KLHL7: variants seen among roughly 807,000 people sequenced by gnomAD.
KLHL7 encodes kelch like family member 7, also known as kelch-like protein 7.
KLHL7 carries 44 observed loss-of-function variants against 67.4 expected under a neutral mutation model. The observed-to-expected ratio is 0.65, with a 90% CI of 0.51 to 0.84. The LOEUF (loss-of-function observed/expected upper bound fraction) is 0.84. KLHL7 is among the 40% of genes least tolerant of loss of function. KLHL7 has a pLI of 0.00. For synonymous variants in KLHL7, 252 were observed against 243.3 expected (o/e 1.04, Z -0.33); for missense variants, 362 against 718.1 (o/e 0.50, Z 5.67).
intron 6 of KLHL7, among the ~76,000 whole-genome samples, chr7:23,147,718 A>G (rs554740193): frequency 1.3e-5 from 2 of 152,268 alleles, no homozygotes; most frequent in African/African-American, 2.4e-5. Flanking sequence ...GCCAAGTTCT[A>G]TAGGGCACAA....
At chr7:23,141,157 A>G (rs772544848) in intron 5 of KLHL7, among the ~76,000 whole-genome samples, 7 of 152,230 alleles carry the variant, frequency 4.6e-5, no homozygotes, top group Non-Finnish European at 1.0e-4. Flanking sequence ...GTACCATGGT[A>G]GGCAGAACAA....
intron 7 of KLHL7, among the ~76,000 whole-genome samples, chr7:23,154,765 T>C (rs746361492): frequency 2.6e-5 from 4 of 152,178 alleles, no homozygotes; most frequent in Admixed American, 1.3e-4. Context: ...TCTGGGTAGA[T>C]AGAAACAGAA....
rs1784209822 is a variant in KLHL7 at position 23,177,074 on chromosome 7, C to T, written c.*2776C>T. ...AAGACCCCATTTCCAAACGAGGACA[C>T]ATTCTGAGCTTCTGGATAGACATGA... On this transcript the variant is annotated 3_prime_UTR_variant, in exon 11 of 11. Transcript: ENST00000339077. 1 of 152,306 alleles carries T rather than the reference C, an allele frequency of 6.6e-6. No individual in the cohort carries two copies. The highest frequency in any genetic ancestry group is 3.4e-3 in the Middle Eastern group (1 of 294). The allele number at this position is 152,306 out of a possible 1,614,324, so 9.4% of individuals were successfully genotyped here.
intron 1 of KLHL7, among the ~76,000 whole-genome samples, chr7:23,107,776 G>T (rs1268320756): frequency 1.3e-5 from 2 of 152,180 alleles, no homozygotes; most frequent in African/African-American, 4.8e-5. Flanking sequence ...AATCTGCCAG[G>T]TTCTCCTGTT....
At chr7:23,130,315 T>G (rs1471675532) in intron 4 of KLHL7, among the ~76,000 whole-genome samples, 3 of 152,224 alleles carry the variant, frequency 2.0e-5, no homozygotes, top group African/African-American at 7.2e-5. Context: ...CATGGTTTTG[T>G]GAGACATCAT....
chr7:23,125,886 T>G, intron 4 of KLHL7: 1 of 1,545,400 alleles, frequency 6.5e-7, no homozygotes, highest in Non-Finnish European at 8.7e-7. Context: ...ATCTGCAGGA[T>G]ACGTTCCAAG....
chr7:23,175,126 G>C lies in KLHL7; in HGVS notation c.*828G>C. ...CTAGATCATTAGAAAAGCACTGGTA[G>C]TTGTACAATATCAGTGTTGACTTTG... On this transcript the variant is annotated 3_prime_UTR_variant, in exon 11 of 11. Coordinates refer to ENST00000339077, the MANE Select transcript of KLHL7 (RefSeq NM_001031710.3). 2.2e-6 allele frequency: 1 copy of C among 454,054 alleles called. No individual in the cohort carries two copies. Among genetic ancestry groups the C allele is most frequent in the African/African-American group, 2.0e-5 (1 of 50,130 alleles). 28.1% of individuals were successfully genotyped at this position (454,054 alleles called of 1,614,324 possible). A position where few individuals can be genotyped will look rare whatever the true frequency, so the allele number is the denominator to read the frequency against.
intron 8 of KLHL7, among the ~76,000 whole-genome samples, chr7:23,167,165 G>A (rs966641837): frequency 6.6e-6 from 1 of 151,542 alleles, no homozygotes; most frequent in Non-Finnish European, 1.5e-5. Context: ...AACTTTAATA[G>A]TATCATTTCT....
At chr7:23,136,840 A>G (rs1783994507) in intron 4 of KLHL7, among the ~76,000 whole-genome samples, 1 of 152,258 alleles carries the variant, frequency 6.6e-6, no homozygotes, top group Non-Finnish European at 1.5e-5. Flanking sequence ...AATCTTTGGA[A>G]TATAACCAAA....
chr7:23,152,242 G>A lies in KLHL7; in HGVS notation c.936+33G>A, dbSNP rs955588432. 3 of 1,604,260 alleles carry A rather than the reference G, an allele frequency of 1.9e-6. No homozygotes were observed. In the African/African-American group the frequency reaches 4.0e-5, roughly 21 times the overall value. On this transcript the variant is annotated intron_variant, in intron 7 of 10. Transcript: ENST00000339077. Reference sequence around the variant, plus strand: ...ATTTTTATTCTTGGTTTTTGTTGTTGTCTTTGAAATCACTGAACACATAAG... The same window carrying A: ...ATTTTTATTCTTGGTTTTTGTTGTTATCTTTGAAATCACTGAACACATAAG...
chr7:23,134,406 T>C (rs1783904801), intron 4 of KLHL7, among the ~76,000 whole-genome samples: 6 of 152,300 alleles, frequency 3.9e-5, no homozygotes, highest in East Asian at 1.9e-4. Flanking sequence ...TTGGTGCCTG[T>C]AGTTTTCTTT....
intron 5 of KLHL7, among the ~76,000 whole-genome samples, chr7:23,142,231 C>CT (rs1784210870): frequency 6.6e-6 from 1 of 152,198 alleles, no homozygotes; most frequent in Non-Finnish European, 1.5e-5. Flanking sequence ...CTTAATCTCT[C>CT]TTTTCAGCCC....
At chr7:23,134,465 C>T (rs141263334) in intron 4 of KLHL7, among the ~76,000 whole-genome samples, 58 of 152,252 alleles carry the variant, frequency 3.8e-4, no homozygotes, top group Non-Finnish European at 7.4e-4. Flanking sequence ...ATGCTGGCCT[C>T]ATCAAATGAG....
At chr7:23,106,195 C>A in intron 1 of KLHL7, 49 bp downstream of exon 1, 17 of 1,594,488 alleles carry the variant, frequency 1.1e-5, no homozygotes, top group Non-Finnish European at 1.5e-5. Flanking sequence ...TGGTCCGGGG[C>A]TCGGGCCCCT....
intron 5 of KLHL7, 70 bp downstream of exon 5, chr7:23,141,014 G>C: frequency 8.1e-7 from 1 of 1,240,316 alleles, no homozygotes; most frequent in Non-Finnish European, 1.2e-6. Flanking sequence ...ACTCATGTTT[G>C]GACACATGAC....
intron 4 of KLHL7, among the ~76,000 whole-genome samples, chr7:23,132,375 T>C (rs976804427): frequency 1.3e-5 from 2 of 152,256 alleles, no homozygotes; most frequent in African/African-American, 4.8e-5. Context: ...TATCTCATTA[T>C]AGTTTTGATT....
At chr7:23,106,941 T>A in intron 1 of KLHL7, 1 of 504,998 alleles carries the variant, frequency 2.0e-6, no homozygotes, top group Non-Finnish European at 2.6e-6. Flanking sequence ...AATACACATC[T>A]AAGTAGATTT....
At chr7:23,134,261 G>A (rs1783898724) in intron 4 of KLHL7, among the ~76,000 whole-genome samples, 5 of 151,984 alleles carry the variant, frequency 3.3e-5, no homozygotes, top group African/African-American at 4.8e-5. Context: ...TGATTGATTC[G>A]TGTACGTTGA....
intron 1 of KLHL7, among the ~76,000 whole-genome samples, chr7:23,121,680 CTTT>C (rs72158823): frequency 3.7e-5 from 5 of 134,196 alleles, no homozygotes; most frequent in Admixed American, 1.5e-4. Flanking sequence ...CAGTCCCATC[CTTT>C]TTTTTTTTTT....
Sources: allele counts gnomAD v4.1 joint callset (sites outside exome capture counted in the v4.1 genomes callset), GRCh38; gene constraint gnomAD v4.1.1; transcripts MANE v1.5; gene names NCBI Gene and HGNC (gene_info 2026-07-23, HGNC 2026-07-21).